The following ZNF704 variants were observed in gnomAD, a reference collection of about 807,000 sequenced individuals.
The protein encoded by ZNF704 is zinc finger protein 704, also known as glucocorticoid induced gene 1.
In ZNF704, 10 loss-of-function variants were observed where a neutral mutation model predicts 44.7. That is an observed-to-expected ratio of 0.22 (90% CI 0.14 to 0.38). ZNF704 has a LOEUF of 0.38. ZNF704 is among the 10% of genes least tolerant of loss of function. ZNF704 has a pLI of 1.00. For synonymous variants in ZNF704, 211 were observed against 207.6 expected (o/e 1.02, Z -0.14); for missense variants, 390 against 545.5 (o/e 0.71, Z 2.84).
intron 2 of ZNF704, among the ~76,000 whole-genome samples, chr8:80,760,638 G>A (rs1486597264): frequency 7.7e-6 from 1 of 130,062 alleles, no homozygotes. Context: ...CCTGGTGACA[G>A]AGCGAGACTC....
intron 4 of ZNF704, among the ~76,000 whole-genome samples, chr8:80,674,048 C>A (rs1744736408): frequency 6.6e-6 from 1 of 152,214 alleles, no homozygotes; most frequent in South Asian, 2.1e-4. Context: ...TGAGTTACAG[C>A]TGAAGCTCTT....
chr8:80,661,560 A>C (rs535123732), intron 6 of ZNF704, among the ~76,000 whole-genome samples: 4 of 152,162 alleles, frequency 2.6e-5, no homozygotes, highest in Non-Finnish European at 5.9e-5. Context: ...GTCCATCAAC[A>C]GATGAAGTGT....
intron 2 of ZNF704, among the ~76,000 whole-genome samples, chr8:80,760,175 T>A (rs892249177): frequency 2.0e-5 from 3 of 152,190 alleles, no homozygotes; most frequent in African/African-American, 7.2e-5. Context: ...TGTATTGTTT[T>A]AAGCTGCTAA....
chr8:80,664,805 T>G lies in ZNF704; in HGVS notation c.927+10A>C. The G allele has an allele frequency of 6.2e-7, 1 of 1,613,842 alleles. No individual in the cohort carries two copies. The highest frequency in any genetic ancestry group is 8.5e-7 in the Non-Finnish European group (1 of 1,179,690). Reference sequence around the variant, plus strand: ...CAAAGTGATTGCTCTCACAGTCCCCTGCAAGTCACCTGGTAAGCATGGTCA... The same window carrying G: ...CAAAGTGATTGCTCTCACAGTCCCCGGCAAGTCACCTGGTAAGCATGGTCA... On this transcript the variant is annotated intron_variant, in intron 6 of 8. Transcript: ENST00000327835.
At chr8:80,664,664 A>G in intron 6 of ZNF704, 151 bp downstream of exon 6, 9 of 904,882 alleles carry the variant, frequency 9.9e-6, no homozygotes, top group Non-Finnish European at 1.5e-5. Flanking sequence ...TCTGTGTGAG[A>G]TCTTAGGCTT....
intron 1 of ZNF704, among the ~76,000 whole-genome samples, chr8:80,854,352 C>T (rs919999251): frequency 6.6e-6 from 1 of 152,158 alleles, no homozygotes; most frequent in African/African-American, 2.4e-5. Flanking sequence ...ATTTTATCAA[C>T]TTTTTAAAAA....
chr8:80,728,605 T>C (rs182214625), intron 2 of ZNF704, among the ~76,000 whole-genome samples: 1 of 152,320 alleles, frequency 6.6e-6, no homozygotes, highest in Admixed American at 6.5e-5. Context: ...TTATTATTAT[T>C]ATCCCTAATT....
chr8:80,654,919 TAGC>T (rs1327200029), intron 7 of ZNF704, among the ~76,000 whole-genome samples: 1 of 152,138 alleles, frequency 6.6e-6, no homozygotes, highest in Non-Finnish European at 1.5e-5. Flanking sequence ...CTATTCACAA[TAGC>T]AAAGACTTGG....
intron 2 of ZNF704, among the ~76,000 whole-genome samples, chr8:80,738,479 A>T (rs1806701942): frequency 6.6e-6 from 1 of 152,180 alleles, no homozygotes; most frequent in Non-Finnish European, 1.5e-5. Flanking sequence ...CTTTCTAGAT[A>T]AATATATGGC....
At chr8:80,693,358 T>C (rs1348170139) in intron 2 of ZNF704, among the ~76,000 whole-genome samples, 1 of 152,188 alleles carries the variant, frequency 6.6e-6, no homozygotes, top group Non-Finnish European at 1.5e-5. Flanking sequence ...ATTGAGAGTG[T>C]GCTGTGGGCT....
intron 2 of ZNF704, among the ~76,000 whole-genome samples, chr8:80,698,864 C>A (rs576503216): frequency 1.3e-5 from 2 of 152,290 alleles, no homozygotes; most frequent in East Asian, 1.9e-4. Context: ...CCGCAAGAAG[C>A]CTTTTCCTTC....
At chr8:80,794,141 C>A (rs1248738040) in intron 2 of ZNF704, among the ~76,000 whole-genome samples, 1 of 151,964 alleles carries the variant, frequency 6.6e-6, no homozygotes, top group Admixed American at 6.5e-5. Flanking sequence ...AGAGCCTAGG[C>A]AATGAAACTA....
At chr8:80,646,474 CAAAA>C (rs59704641) in intron 7 of ZNF704, among the ~76,000 whole-genome samples, 23 of 98,708 alleles carry the variant, frequency 2.3e-4, no homozygotes, top group African/African-American at 5.2e-4. Flanking sequence ...AGACACATCT[CAAAA>C]AAAAAAAAAA....
intron 1 of ZNF704, among the ~76,000 whole-genome samples, chr8:80,853,642 T>C (rs1808909312): frequency 1.3e-5 from 2 of 152,016 alleles, no homozygotes; most frequent in Admixed American, 6.5e-5. Flanking sequence ...CAAACAGAAC[T>C]TGGTAATAGA....
chr8:80,824,129 G>T (rs898200914), intron 1 of ZNF704, among the ~76,000 whole-genome samples: 1 of 152,120 alleles, frequency 6.6e-6, no homozygotes, highest in Non-Finnish European at 1.5e-5. Context: ...AAACTTCTCC[G>T]AGCTAAAGGA....
chr8:80,799,988 G>A (rs1406858200), intron 2 of ZNF704, among the ~76,000 whole-genome samples: 1 of 152,158 alleles, frequency 6.6e-6, no homozygotes, highest in Non-Finnish European at 1.5e-5. Context: ...GTCTGATGGA[G>A]CTGAAGAAAA....
In ZNF704 at chr8:80,634,147, A is replaced by G. The variant is rs986460791; in HGVS notation, c.*7219T>C. ...GCTTCAAGCTTCAGAGGCTCCTGGC[A>G]GCCTTCTCGGAAGGCACGAGGCTGC... On this transcript the variant is annotated 3_prime_UTR_variant, in exon 9 of 9. Coordinates refer to ENST00000327835, the MANE Select transcript of ZNF704 (RefSeq NM_001033723.3). The G allele has an allele frequency of 1.3e-5, 2 of 152,266 alleles. No homozygotes were observed. The highest frequency in any genetic ancestry group is 2.9e-5 in the Non-Finnish European group (2 of 68,062). The allele number at this position is 152,266 out of a possible 1,614,324, so 9.4% of individuals were successfully genotyped here. A position where few individuals can be genotyped will look rare whatever the true frequency, so the allele number is the denominator to read the frequency against.
intron 2 of ZNF704, among the ~76,000 whole-genome samples, chr8:80,698,974 A>G (rs1041477685): frequency 6.6e-6 from 1 of 152,160 alleles, no homozygotes; most frequent in African/African-American, 2.4e-5. Flanking sequence ...CACCTTGGAG[A>G]GCCATAAAAG....
At chr8:80,839,579 C>T (rs1003953461) in intron 1 of ZNF704, among the ~76,000 whole-genome samples, 2 of 152,150 alleles carry the variant, frequency 1.3e-5, no homozygotes, top group African/African-American at 2.4e-5. Flanking sequence ...TTATCATAAA[C>T]GTAATTCTTT....
Sources: allele counts gnomAD v4.1 joint callset (sites outside exome capture counted in the v4.1 genomes callset), GRCh38; gene constraint gnomAD v4.1.1; transcripts MANE v1.5; gene names NCBI Gene and HGNC (gene_info 2026-07-23, HGNC 2026-07-21).